The following CNTLN variants were observed in gnomAD, a reference collection of about 807,000 sequenced individuals.
CNTLN encodes the protein centlein.
A neutral mutation model predicts 180.0 loss-of-function variants in CNTLN; 212 were observed. The observed-to-expected ratio is 1.18, with a 90% CI of 1.05 to 1.32. The LOEUF (loss-of-function observed/expected upper bound fraction) is 1.32. CNTLN is among the 40% of genes most tolerant of loss of function. CNTLN has a pLI of 0.00. For synonymous variants in CNTLN, 722 were observed against 563.1 expected, an observed-to-expected ratio of 1.28 and a Z score of -3.99; for missense variants, 2,095 against 1,610.9, an observed-to-expected ratio of 1.30 and a Z score of -5.14.
At chr9:17,517,882 G>T in the CNTLN span, among the ~76,000 whole-genome samples, 1 of 151,974 alleles carries the variant, frequency 6.6e-6, no homozygotes, top group Non-Finnish European at 1.5e-5. Context: ...TACCTCATCT[G>T]ATTAAATGCC....
intron 14 of CNTLN, among the ~76,000 whole-genome samples, chr9:17,394,080 GA>G: frequency 6.6e-6 from 1 of 151,936 alleles, no homozygotes; most frequent in Non-Finnish European, 1.5e-5. Flanking sequence ...TTCTAATTTA[GA>G]AAAAAAGCAG....
intron 18 of CNTLN, among the ~76,000 whole-genome samples, chr9:17,426,198 A>G (rs988710846): frequency 6.6e-6 from 1 of 152,214 alleles, no homozygotes; most frequent in African/African-American, 2.4e-5. Context: ...GGGCCAATAG[A>G]TCTATTTAAC....
intron 13 of CNTLN, among the ~76,000 whole-genome samples, chr9:17,379,149 G>A (rs78479470): frequency 0.061 from 9,296 of 151,788 alleles, 419 homozygotes; most frequent in East Asian, 0.16. Context: ...GTTCACGTTA[G>A]TATAGCGTGC....
chr9:17,494,162 G>T (rs1364322647), intron 25 of CNTLN, among the ~76,000 whole-genome samples: 2 of 152,158 alleles, frequency 1.3e-5, no homozygotes, highest in Non-Finnish European at 2.9e-5. Context: ...TAGTATGCTA[G>T]TGATTTCTCA....
chr9:17,156,977 A>G (rs1034705109), intron 2 of CNTLN, among the ~76,000 whole-genome samples: 13 of 152,382 alleles, frequency 8.5e-5, no homozygotes, highest in African/African-American at 3.1e-4. Context: ...TAGAATTGAT[A>G]TCACACTATG....
chr9:17,420,984 G>A (rs1828676449), intron 18 of CNTLN, among the ~76,000 whole-genome samples: 2 of 152,052 alleles, frequency 1.3e-5, no homozygotes, highest in South Asian at 2.1e-4. Flanking sequence ...CTAACATATG[G>A]TCTATTCTTG....
chr9:17,384,744 G>T (rs538150720), intron 13 of CNTLN, among the ~76,000 whole-genome samples: 2 of 152,172 alleles, frequency 1.3e-5, no homozygotes, highest in East Asian at 3.9e-4. Flanking sequence ...GCTGATTATT[G>T]CCTATTTATC....
Position 17,135,280 on chromosome 9 carries a change from C to T in CNTLN, c.215C>T (p.Ala72Val), listed in dbSNP as rs1029571218. 13 of 1,600,576 alleles carry T rather than the reference C, an allele frequency of 8.1e-6. No homozygotes were observed. The highest frequency in any genetic ancestry group is 1.0e-5 in the Non-Finnish European group (12 of 1,174,254). Residue 72 changes from alanine to valine, a missense_variant, in exon 1 of 26, where the codon GCA becomes GTA. Coordinates refer to ENST00000380647, the MANE Select transcript of CNTLN (RefSeq NM_017738.4). ...GGGGGCCGGCGAGGGCCTGGGGGGG[C>T]AGCTCCGGCTCATGCTCCCCTCCTC... ...GSGGRRGPGG[A>V]APAHAPLLSA...
At chr9:17,496,391 T>C (rs1327249284) in intron 25 of CNTLN, among the ~76,000 whole-genome samples, 1 of 151,928 alleles carries the variant, frequency 6.6e-6, no homozygotes, top group East Asian at 1.9e-4. Context: ...CTTGGTCTTC[T>C]CATTGTATTC....
At chr9:17,315,503 C>T (rs376738728) in intron 8 of CNTLN, among the ~76,000 whole-genome samples, 6 of 151,918 alleles carry the variant, frequency 3.9e-5, no homozygotes, top group Admixed American at 2.0e-4. Flanking sequence ...TCAGCCATGG[C>T]CTGTGGCTTT....
At chr9:17,244,939 C>G (rs1195373632) in intron 5 of CNTLN, among the ~76,000 whole-genome samples, 2 of 152,100 alleles carry the variant, frequency 1.3e-5, no homozygotes, top group Non-Finnish European at 2.9e-5. Context: ...CTAATATAAA[C>G]TCTAATCTTC....
intron 2 of CNTLN, among the ~76,000 whole-genome samples, chr9:17,204,038 G>A (rs139482343): frequency 2.2e-4 from 33 of 152,272 alleles, no homozygotes; most frequent in Admixed American, 7.8e-4. Context: ...CTCTAAACGG[G>A]TTATTCTAGT....
the CNTLN span, among the ~76,000 whole-genome samples, chr9:17,511,648 T>TCTCACACACACA: frequency 1.3e-3 from 188 of 146,686 alleles, 1 homozygote; most frequent in African/African-American, 4.6e-3. Flanking sequence ...TCTCTCTCTC[T>TCTCACACACACA]CACACACACA....
Position 17,333,002 on chromosome 9 carries a change from C to G in CNTLN, c.1644+272C>G, listed in dbSNP as rs537443874. Among the ~76,000 whole-genome samples, 8 of 152,014 alleles carry G rather than the reference C, an allele frequency of 5.3e-5. No individual in the cohort carries two copies. The South Asian group carries it at 1.7e-3, about 32-fold the overall frequency. On this transcript the variant is annotated intron_variant, in intron 10 of 25. Coordinates refer to ENST00000380647, the MANE Select transcript of CNTLN (RefSeq NM_017738.4). ...AAAATTGGGAATAAATTTCTTAACCCTTTCCCAAAGGCAAAAAATAGAATT... is the reference window on the plus strand; with the variant it reads ...AAAATTGGGAATAAATTTCTTAACCGTTTCCCAAAGGCAAAAAATAGAATT...
At chr9:17,309,954 G>T (rs559773535) in intron 8 of CNTLN, among the ~76,000 whole-genome samples, 32 of 152,078 alleles carry the variant, frequency 2.1e-4, no homozygotes, top group African/African-American at 6.3e-4. Context: ...TTTGAACGCA[G>T]CACATTTGTC....
Position 17,395,044 on chromosome 9 carries a change from G to T in CNTLN, c.2590G>T (p.Gly864Cys). Residue 864 changes from glycine to cysteine, a missense_variant, in exon 15 of 26, where the codon GGC (glycine) becomes TGC (cysteine). Physicochemically the swap from Gly to Cys is radical, Grantham distance 159. Transcript: ENST00000380647. ...TGTGTTTGAGAACCTCAGCAAGGAC[G>T]GCTGGGAGGATGTGAGTGAAAGCAG... is the stretch of plus-strand genomic sequence containing the variant. Reference protein sequence around the residue: ...SNVFENLSKDGWEDVSESSSD... With the variant: ...SNVFENLSKDCWEDVSESSSD... 2 of 1,610,108 alleles carry T rather than the reference G, an allele frequency of 1.2e-6. No homozygotes were observed. The highest frequency in any genetic ancestry group is 1.7e-6 in the Non-Finnish European group (2 of 1,177,090).
intron 14 of CNTLN, 94 bp downstream of exon 14, chr9:17,388,347 C>A: frequency 1.3e-6 from 1 of 759,986 alleles, no homozygotes; most frequent in South Asian, 2.7e-5. Context: ...TAAATGTAAA[C>A]CTTGTGTGAA....
intron 12 of CNTLN, among the ~76,000 whole-genome samples, chr9:17,346,957 A>G (rs911267277): frequency 3.9e-5 from 6 of 152,046 alleles, no homozygotes; most frequent in African/African-American, 1.4e-4. Flanking sequence ...GGTAATTTCT[A>G]TTGTGTCGTG....
chr9:17,332,322 C>G (rs976090096), intron 9 of CNTLN, among the ~76,000 whole-genome samples: 3 of 151,998 alleles, frequency 2.0e-5, no homozygotes, highest in Non-Finnish European at 4.4e-5. Context: ...AGGTTTCTTG[C>G]ATTTCTGAGT....
Sources: allele counts gnomAD v4.1 joint callset (sites outside exome capture counted in the v4.1 genomes callset), GRCh38; gene constraint gnomAD v4.1.1; transcripts MANE v1.5; gene names NCBI Gene and HGNC (gene_info 2026-07-23, HGNC 2026-07-21).